The following GUCY1A1 variants were observed in gnomAD, a reference collection of about 807,000 sequenced individuals.
GUCY1A1 encodes guanylate cyclase 1 soluble subunit alpha 1.
Under a neutral mutation model 64.5 loss-of-function variants are expected in GUCY1A1, and 48 were observed. That is an observed-to-expected ratio of 0.74 (90% CI 0.59 to 0.95). GUCY1A1 has a LOEUF of 0.95. Among genes scored for constraint, GUCY1A1 ranks in the 40% least tolerant of loss-of-function variants. The pLI, the probability that GUCY1A1 is intolerant of heterozygous loss-of-function variation, is 0.00. For synonymous variants in GUCY1A1, 308 were observed against 303.4 expected, an observed-to-expected ratio of 1.02 and a Z score of -0.16; for missense variants, 804 against 825.3, an observed-to-expected ratio of 0.97 and a Z score of 0.32.
intron 6 of GUCY1A1, among the ~76,000 whole-genome samples, chr4:155,711,536 T>G (rs2126861688): frequency 6.6e-6 from 1 of 152,348 alleles, no homozygotes; most frequent in South Asian, 2.1e-4. Flanking sequence ...TATAAAAATG[T>G]TTTCAATTAT....
intron 9 of GUCY1A1, 112 bp downstream of exon 9, chr4:155,722,304 G>GA: frequency 1.4e-6 from 2 of 1,465,032 alleles, no homozygotes; most frequent in Non-Finnish European, 9.0e-7. Context: ...TAGTCGTAAG[G>GA]AAAAAAGAAA....
Position 155,696,818 on chromosome 4 carries a change from A to G in GUCY1A1, c.-50A>G. The G allele has an allele frequency of 6.3e-7, 1 of 1,578,606 alleles. No homozygotes were observed. Among genetic ancestry groups the G allele is most frequent in the Non-Finnish European group, 8.7e-7 (1 of 1,150,942 alleles). The stretch of plus-strand genomic sequence containing the variant: ...TTCTGTTTGTCAGTCTCATATAAGA[A>G]CTACAGCTCATCAGGAGGAGATCGC... On this transcript the variant is annotated 5_prime_UTR_variant, in exon 3 of 10. Coordinates refer to ENST00000506455, the MANE Select transcript of GUCY1A1 (RefSeq NM_001130682.3).
At chr4:155,708,012 T>C (rs1049179698) in intron 4 of GUCY1A1, among the ~76,000 whole-genome samples, 1 of 152,128 alleles carries the variant, frequency 6.6e-6, no homozygotes, top group African/African-American at 2.4e-5. Flanking sequence ...CTAATTTTTG[T>C]ATTTTTAGCA....
rs1560949247 is a variant in GUCY1A1, at chr4:155,710,654, A to G, written c.489A>G (p.Leu163=). ...TTGGAGGCACCCTTAAAGATTTTTTAAACAGCTTCAGTACCCTTCTGAAAC... is the reference window on the plus strand; with the variant it reads ...TTGGAGGCACCCTTAAAGATTTTTTGAACAGCTTCAGTACCCTTCTGAAAC... The part of the protein sequence containing the change: ...GVVGGTLKDF[L]NSFSTLLKQS... The change falls in exon 6 of 10, where the codon TTA becomes TTG. Residue 163 remains leucine, a synonymous_variant. Transcript: ENST00000506455. 1 of 1,613,960 alleles carries G rather than the reference A, an allele frequency of 6.2e-7. No homozygotes were observed. Among genetic ancestry groups the G allele is most frequent in the Non-Finnish European group, 8.5e-7 (1 of 1,179,864 alleles).
intron 3 of GUCY1A1, among the ~76,000 whole-genome samples, chr4:155,702,397 T>A (rs1317312594): frequency 6.6e-6 from 1 of 152,208 alleles, no homozygotes; most frequent in African/African-American, 2.4e-5. Context: ...TTTAAACATT[T>A]CAAGCACCCT....
intron 2 of GUCY1A1, among the ~76,000 whole-genome samples, chr4:155,696,319 G>A (rs1025039688): frequency 6.6e-6 from 1 of 151,920 alleles, no homozygotes; most frequent in African/African-American, 2.4e-5. Flanking sequence ...ATTTTTGGAA[G>A]CCATTGGTTT....
intron 2 of GUCY1A1, among the ~76,000 whole-genome samples, chr4:155,678,396 A>G (rs955487144): frequency 1.3e-5 from 2 of 152,236 alleles, no homozygotes; most frequent in African/African-American, 4.8e-5. Context: ...CAAGGTAAAC[A>G]TAAAGGTTTT....
At chr4:155,725,634 T>C (rs1020842866) in intron 9 of GUCY1A1, among the ~76,000 whole-genome samples, 1 of 152,116 alleles carries the variant, frequency 6.6e-6, no homozygotes, top group Non-Finnish European at 1.5e-5. Context: ...ACTAAACTTT[T>C]TAAATTCTTG....
At position 155,735,802 on chromosome 4, in the gene GUCY1A1, T is replaced by C. The variant is rs773996298; in HGVS notation, c.*5571T>C. 1 of 151,926 alleles carries C rather than the reference T, an allele frequency of 6.6e-6. No individual in the cohort carries two copies. The highest frequency in any genetic ancestry group is 1.5e-5 in the Non-Finnish European group (1 of 67,936). The allele number at this position is 151,926 out of a possible 1,614,324, so 9.4% of individuals were successfully genotyped here. On this transcript the variant is annotated 3_prime_UTR_variant, in exon 10 of 10. Transcript: ENST00000506455. ...GGACAGCCCAATGTGTTAAGTATTATACACCTGGAACAAGAGCAGCAAAAC... is the reference window on the plus strand; with the variant it reads ...GGACAGCCCAATGTGTTAAGTATTACACACCTGGAACAAGAGCAGCAAAAC...
chr4:155,678,622 T>C (rs538148630), intron 2 of GUCY1A1, among the ~76,000 whole-genome samples: 41 of 152,220 alleles, frequency 2.7e-4, no homozygotes, highest in Non-Finnish European at 5.0e-4. Context: ...GAACCGGTAT[T>C]TGTAGCCAGG....
At chr4:155,704,517 G>A (rs1238852012) in intron 4 of GUCY1A1, among the ~76,000 whole-genome samples, 2 of 151,608 alleles carry the variant, frequency 1.3e-5, no homozygotes, top group Non-Finnish European at 2.9e-5. Flanking sequence ...GAGGTAGAAG[G>A]ATCAAGTGCT....
intron 6 of GUCY1A1, chr4:155,711,503 T>C (rs967819821): frequency 7.3e-6 from 2 of 274,388 alleles, no homozygotes; most frequent in East Asian, 1.3e-4. Flanking sequence ...GAATGTTTTA[T>C]AATGAAATTT....
chr4:155,703,484 C>G (rs1731357138), intron 3 of GUCY1A1, among the ~76,000 whole-genome samples: 1 of 152,292 alleles, frequency 6.6e-6, no homozygotes, highest in Admixed American at 6.5e-5. Context: ...GTGAAAGGAA[C>G]AGAAATTTGC....
intron 2 of GUCY1A1, chr4:155,667,665 C>A (rs1343138485): frequency 6.6e-6 from 1 of 151,692 alleles, no homozygotes; most frequent in Middle Eastern, 3.2e-3. Flanking sequence ...GGAGCACAGA[C>A]GGGGGTGGGC....
At chr4:155,727,759 C>A (rs1204665345) in intron 9 of GUCY1A1, among the ~76,000 whole-genome samples, 2 of 151,152 alleles carry the variant, frequency 1.3e-5, no homozygotes, top group Non-Finnish European at 3.0e-5. Context: ...TTTCAGGTTT[C>A]TGTTTTATAA....
chr4:155,710,898 A>G lies in GUCY1A1; in HGVS notation c.733A>G (p.Ser245Gly), dbSNP rs1305275894. Reference protein sequence around the residue: ...LMPPCFHNDCSEFVNQPYLLY... With the variant: ...LMPPCFHNDCGEFVNQPYLLY... ...GCCTCCCTGCTTCCATAATGATTGC[A>G]GCGAGTTTGTGAATCAGCCCTACTT... Residue 245 changes from serine (S) to glycine (G), a missense_variant, in exon 6 of 10, where the codon AGC becomes GGC. Coordinates refer to ENST00000506455, the MANE Select transcript of GUCY1A1 (RefSeq NM_001130682.3). 6.2e-7 allele frequency: 1 copy of G among 1,613,982 alleles called. No individual in the cohort carries two copies. Among genetic ancestry groups the G allele is most frequent in the Middle Eastern group, 1.6e-4 (1 of 6,062 alleles).
intron 9 of GUCY1A1, among the ~76,000 whole-genome samples, chr4:155,722,962 C>T (rs1264921883): frequency 6.6e-6 from 1 of 152,044 alleles, no homozygotes; most frequent in African/African-American, 2.4e-5. Flanking sequence ...TTCGTTGAAT[C>T]ATTGGCCATG....
At chr4:155,669,370 C>T (rs928060043) in intron 2 of GUCY1A1, among the ~76,000 whole-genome samples, 1 of 151,874 alleles carries the variant, frequency 6.6e-6, no homozygotes, top group Non-Finnish European at 1.5e-5. Flanking sequence ...TATAGTGTCT[C>T]ATAGTGTATG....
chr4:155,724,261 GA>G (rs1404634872), intron 9 of GUCY1A1, among the ~76,000 whole-genome samples: 1 of 152,084 alleles, frequency 6.6e-6, no homozygotes, highest in East Asian at 1.9e-4. Flanking sequence ...TCTCTTTGAT[GA>G]AATGATTATT....
Sources: allele counts gnomAD v4.1 joint callset (sites outside exome capture counted in the v4.1 genomes callset), GRCh38; gene constraint gnomAD v4.1.1; transcripts MANE v1.5; gene names NCBI Gene and HGNC (gene_info 2026-07-23, HGNC 2026-07-21).